Variants in GYG1 observed in about 807,000 individuals in gnomAD.
GYG1 encodes glycogenin-1.
GYG1 carries 44 observed loss-of-function variants against 41.9 expected under a neutral mutation model. The observed-to-expected ratio is 1.05, with a 90% confidence interval of 0.83 to 1.35. The LOEUF (loss-of-function observed/expected upper bound fraction) is 1.35. GYG1 is among the 40% of genes most tolerant of loss of function. GYG1 has a pLI of 0.00. For synonymous variants in GYG1, 141 were observed against 158.1 expected, an observed-to-expected ratio of 0.89 and a Z score of 0.81; for missense variants, 429 against 418.9, an observed-to-expected ratio of 1.02 and a Z score of -0.21.
At chr3:149,022,243 G>T (rs11713360) in intron 5 of GYG1, among the ~76,000 whole-genome samples, 1 of 151,898 alleles carries the variant, frequency 6.6e-6, no homozygotes, top group African/African-American at 2.4e-5. Context: ...ACAGGACTAC[G>T]CTTTACTCCT....
chr3:149,010,473 C>T lies in GYG1; in HGVS notation c.608+1071C>T, dbSNP rs530413847. Among the ~76,000 whole-genome samples the T allele has an allele frequency of 1.6e-4, 24 of 152,072 alleles. No homozygotes were observed. The South Asian group carries it at 3.7e-3, about 24-fold the overall frequency. Reference sequence around the variant, plus strand: ...TCCCTAGTAGCTGGGATTACAGGCACGTGCCACTACACACGGCTAATTTTT... The same window carrying T: ...TCCCTAGTAGCTGGGATTACAGGCATGTGCCACTACACACGGCTAATTTTT... On this transcript the variant is annotated intron_variant, in intron 5 of 7. Coordinates refer to ENST00000345003, the MANE Select transcript of GYG1 (RefSeq NM_004130.4).
intron 1 of GYG1, 30 bp downstream of exon 1, chr3:148,991,677 C>G: frequency 6.7e-7 from 1 of 1,494,476 alleles, no homozygotes; most frequent in East Asian, 2.6e-5. Context: ...CGCCGCCAGC[C>G]CCGGGACCCC....
At chr3:148,992,021 G>T (rs1054058236) in intron 1 of GYG1, among the ~76,000 whole-genome samples, 1 of 151,750 alleles carries the variant, frequency 6.6e-6, no homozygotes, top group Non-Finnish European at 1.5e-5. Context: ...GGGGCGCAGC[G>T]GCATCGTGGG....
At chr3:149,011,124 T>C (rs1486314576) in intron 5 of GYG1, among the ~76,000 whole-genome samples, 1 of 152,184 alleles carries the variant, frequency 6.6e-6, no homozygotes, top group Non-Finnish European at 1.5e-5. Flanking sequence ...AAGCAGACTC[T>C]TAAACACACC....
rs556545861 is a variant in GYG1 at position 148,992,914 on chromosome 3, C to A, written c.8-1228C>A. 3.3e-5 allele frequency: 5 copies of A among 151,142 alleles called. No homozygotes were observed. In the Admixed American group the frequency reaches 3.3e-4, roughly 10 times the overall value. The allele number at this position is 151,142 out of a possible 1,614,324, so 9.4% of individuals were successfully genotyped here. A position where few individuals can be genotyped will look rare whatever the true frequency, so the allele number is the denominator to read the frequency against. On this transcript the variant is annotated intron_variant, in intron 1 of 7. Coordinates refer to ENST00000345003, the MANE Select transcript of GYG1 (RefSeq NM_004130.4). The stretch of plus-strand genomic sequence containing the variant: ...TCAGCAGCCGAGGGATGCGCTGGCC[C>A]ACTAGGCAACCCACAACTTCCTCTC...
chr3:149,021,961 G>A (rs907691094), intron 5 of GYG1, among the ~76,000 whole-genome samples: 3 of 152,120 alleles, frequency 2.0e-5, no homozygotes, highest in Non-Finnish European at 4.4e-5. Flanking sequence ...GGCTCTAACA[G>A]AGGATACCTG....
rs1404013184 is a variant in GYG1, at chr3:149,029,101, A to G, written c.*2168A>G. ...TGACAAGCTTACCATAAGACATAGCATATAATGCTGTCAAGTTATTTGGCT... is the reference window on the plus strand; with the variant it reads ...TGACAAGCTTACCATAAGACATAGCGTATAATGCTGTCAAGTTATTTGGCT... On this transcript the variant is annotated 3_prime_UTR_variant, in exon 8 of 8. Coordinates refer to ENST00000345003, the MANE Select transcript of GYG1 (RefSeq NM_004130.4). Among the ~76,000 whole-genome samples, 2 of 152,240 alleles carry G rather than the reference A, an allele frequency of 1.3e-5. No individual in the cohort carries two copies. The highest frequency in any genetic ancestry group is 2.1e-4 in the South Asian group (1 of 4,838).
At position 149,029,816 on chromosome 3, in the gene GYG1, A is replaced by ATTGAT. The variant is rs1249625124; in HGVS notation, c.*2885_*2889dup. Among the ~76,000 whole-genome samples, 2 of 152,198 alleles carry ATTGAT rather than the reference A, an allele frequency of 1.3e-5. No homozygotes were observed. On this transcript the variant is annotated 3_prime_UTR_variant, in exon 8 of 8. Transcript: ENST00000345003. ...AATTTTAAGGACAAAATGTACAATG[A>ATTGAT]TTGATTAAGAGTGCTATCTGTGTAT...
At chr3:149,021,858 G>A (rs115732847) in intron 5 of GYG1, among the ~76,000 whole-genome samples, 1,895 of 152,024 alleles carry the variant, frequency 0.012, 14 homozygotes, top group Non-Finnish European at 0.019. Flanking sequence ...TTGGTTGCCT[G>A]TAATATAAAT....
intron 4 of GYG1, among the ~76,000 whole-genome samples, chr3:148,998,021 G>A (rs1431035768): frequency 6.6e-6 from 1 of 152,152 alleles, no homozygotes; most frequent in Admixed American, 6.5e-5. Flanking sequence ...TAATTGGTTA[G>A]AAAGTTAAAA....
In GYG1 at chr3:148,996,799, C is replaced by T. The variant is rs771263768; in HGVS notation, c.376C>T (p.Pro126Ser). ...AGAAGAATTGTCAGCAGCACCAGAC[C>T]CAGGGTGGCCTGACTGCTTCAATTC... ...DREELSAAPD[P>S]GWPDCFNSGV... The change falls in exon 4 of 8, where the codon CCA becomes TCA. Residue 126 changes from proline to serine, a missense_variant. Coordinates refer to ENST00000345003, the MANE Select transcript of GYG1 (RefSeq NM_004130.4). 19 of 1,613,220 alleles carry T rather than the reference C, an allele frequency of 1.2e-5. No individual in the cohort carries two copies. In the South Asian group the frequency reaches 1.5e-4, roughly 13 times the overall value.
intron 5 of GYG1, among the ~76,000 whole-genome samples, chr3:149,016,734 C>T (rs1327801653): frequency 2.6e-5 from 4 of 152,190 alleles, no homozygotes; most frequent in Admixed American, 6.5e-5. Context: ...CATTCCTCCT[C>T]TCCATGATCA....
chr3:149,001,812 A>G (rs946016554), intron 4 of GYG1, among the ~76,000 whole-genome samples: 6 of 152,230 alleles, frequency 3.9e-5, no homozygotes, highest in East Asian at 1.9e-4. Context: ...TCCATTCCCA[A>G]TTCTCTCATA....
intron 5 of GYG1, among the ~76,000 whole-genome samples, chr3:149,016,347 G>C (rs1714040386): frequency 6.6e-6 from 1 of 151,984 alleles, no homozygotes; most frequent in Non-Finnish European, 1.5e-5. Flanking sequence ...AAGTGTATGG[G>C]CACAGATGCT....
chr3:149,016,324 A>G (rs1300144487), intron 5 of GYG1, among the ~76,000 whole-genome samples: 1 of 151,892 alleles, frequency 6.6e-6, no homozygotes, highest in Non-Finnish European at 1.5e-5. Flanking sequence ...CCTTGGTAAC[A>G]TGAAGGAAGG....
intron 5 of GYG1, among the ~76,000 whole-genome samples, chr3:149,021,826 C>T (rs1172262791): frequency 2.6e-5 from 4 of 151,510 alleles, no homozygotes; most frequent in Admixed American, 6.6e-5. Flanking sequence ...TTATTTTGAA[C>T]GGTATATCAT....
At chr3:149,016,598 G>C (rs1714063603) in intron 5 of GYG1, among the ~76,000 whole-genome samples, 1 of 152,180 alleles carries the variant, frequency 6.6e-6, no homozygotes, top group Non-Finnish European at 1.5e-5. Flanking sequence ...GTATTATTGG[G>C]AGGATTAGTT....
intron 5 of GYG1, among the ~76,000 whole-genome samples, chr3:149,009,627 A>G (rs1246699129): frequency 6.6e-6 from 1 of 152,148 alleles, no homozygotes; most frequent in Non-Finnish European, 1.5e-5. Context: ...CAAGGTTCCC[A>G]TCAGTTTCTG....
In GYG1 at chr3:148,991,645, C is replaced by T. The variant is rs1470497667; in HGVS notation, c.5C>T (p.Thr2Ile). The T allele has an allele frequency of 6.5e-6, 10 of 1,544,556 alleles. No individual in the cohort carries two copies. The highest frequency in any genetic ancestry group is 1.9e-5 in the Admixed American group (1 of 53,450). The change falls in exon 1 of 8, where the codon ACA (threonine) becomes ATA (isoleucine). Residue 2 changes from threonine (T) to isoleucine (I), a missense_variant and splice_region_variant. Transcript: ENST00000345003. The part of the protein sequence containing the change: M[T>I]DQAFVTLTTN... Reference sequence around the variant, plus strand: ...GCCTGCGCACCCGGCAGCACCATGACAGGTACCGCCGCGCAGCCCGCCGCC... The same window carrying T: ...GCCTGCGCACCCGGCAGCACCATGATAGGTACCGCCGCGCAGCCCGCCGCC...
Sources: allele counts gnomAD v4.1 joint callset (sites outside exome capture counted in the v4.1 genomes callset), GRCh38; gene constraint gnomAD v4.1.1; transcripts MANE v1.5; gene names NCBI Gene and HGNC (gene_info 2026-07-23, HGNC 2026-07-21).